The following RANBP17 variants were observed in gnomAD, a reference collection of about 807,000 sequenced individuals.
The protein encoded by RANBP17 is ran-binding protein 17.
RANBP17 carries 158 observed loss-of-function variants against 141.2 expected under a neutral mutation model. That is an observed-to-expected ratio of 1.12 (90% CI 0.98 to 1.28). The LOEUF is 1.28. RANBP17 is among the 50% of genes most tolerant of loss of function. The probability of loss-of-function intolerance (pLI) is 0.00; values close to 1 mark genes in which losing one functional copy is unlikely to be tolerated. For missense variants in RANBP17, 1,438 were observed against 1,290.7 expected (o/e 1.11, Z -1.75); for synonymous variants, 430 against 450.0 (o/e 0.96, Z 0.56).
chr5:170,899,098 A>C (rs1770395089), intron 5 of RANBP17, among the ~76,000 whole-genome samples: 1 of 152,200 alleles, frequency 6.6e-6, no homozygotes, highest in South Asian at 2.1e-4. Flanking sequence ...TGAATCTATA[A>C]ATTACTTTGG....
intron 12 of RANBP17, among the ~76,000 whole-genome samples, chr5:170,938,346 A>G (rs921071594): frequency 1.3e-5 from 2 of 152,254 alleles, no homozygotes; most frequent in African/African-American, 4.8e-5. Context: ...AGGATCAACC[A>G]TAATTTAGGG....
intron 12 of RANBP17, among the ~76,000 whole-genome samples, chr5:170,943,661 C>G (rs971050248): frequency 1.3e-5 from 2 of 151,890 alleles, no homozygotes; most frequent in Non-Finnish European, 2.9e-5. Flanking sequence ...AGATATGAAA[C>G]TTATGTAGCA....
rs116019501 is a variant in RANBP17 at position 171,260,721 on chromosome 5, A to G, written c.2777-4960A>G. Among the ~76,000 whole-genome samples, 851 of 152,306 alleles carry G rather than the reference A, an allele frequency of 5.6e-3. 8 individuals are homozygous for G. The highest frequency in any genetic ancestry group is 0.018 in the African/African-American group (769 of 41,570). On this transcript the variant is annotated intron_variant, in intron 24 of 27. Coordinates refer to ENST00000523189, the MANE Select transcript of RANBP17 (RefSeq NM_022897.5). The stretch of plus-strand genomic sequence containing the variant: ...CTTCACATGTACACTATAAATTTGT[A>G]CAAATTTAAAAAACAAAGTGGGGTG...
intron 18 of RANBP17, among the ~76,000 whole-genome samples, chr5:171,195,173 T>C (rs1034715143): frequency 1.3e-5 from 2 of 152,210 alleles, no homozygotes; most frequent in African/African-American, 4.8e-5. Context: ...TCAAATCATA[T>C]TGGTTTCTGT....
intron 25 of RANBP17, among the ~76,000 whole-genome samples, chr5:171,283,977 C>G (rs967224900): frequency 7.2e-5 from 11 of 152,192 alleles, no homozygotes; most frequent in African/African-American, 2.7e-4. Flanking sequence ...GAGACGCCCT[C>G]GTGCCATTAT....
chr5:171,225,869 A>G (rs1164106089), intron 22 of RANBP17, among the ~76,000 whole-genome samples: 2 of 152,272 alleles, frequency 1.3e-5, no homozygotes, highest in East Asian at 1.9e-4. Flanking sequence ...GTCATGATAT[A>G]CTTTGATGTA....
chr5:171,063,737 TTTTG>T, intron 14 of RANBP17, among the ~76,000 whole-genome samples: 1 of 152,292 alleles, frequency 6.6e-6, no homozygotes, highest in African/African-American at 2.4e-5. Context: ...ACTGCTGTCT[TTTTG>T]TTTGTCTGTG....
intron 20 of RANBP17, chr5:171,207,218 G>A (rs1184328222): frequency 6.5e-6 from 1 of 153,364 alleles, no homozygotes; most frequent in African/African-American, 2.4e-5. Context: ...AGTCTACTTT[G>A]GGCACTGTAA....
intron 8 of RANBP17, among the ~76,000 whole-genome samples, chr5:170,916,228 T>C (rs1321791761): frequency 2.1e-4 from 5 of 23,946 alleles, no homozygotes; most frequent in Admixed American, 5.2e-4. Context: ...TATTCTATAT[T>C]GCATTATAAT....
chr5:171,221,501 ATAT>A (rs777834781), intron 21 of RANBP17, among the ~76,000 whole-genome samples: 8 of 152,176 alleles, frequency 5.3e-5, no homozygotes, highest in Non-Finnish European at 1.0e-4. Flanking sequence ...GAATGTCAGG[ATAT>A]TGTTTTGACA....
intron 18 of RANBP17, among the ~76,000 whole-genome samples, chr5:171,184,068 G>A (rs1185652545): frequency 2.0e-5 from 3 of 152,162 alleles, no homozygotes; most frequent in Admixed American, 6.5e-5. Context: ...TAACAGTGTA[G>A]AGGATCCTCA....
chr5:170,973,760 A>G (rs1777158472), intron 14 of RANBP17, among the ~76,000 whole-genome samples: 1 of 152,208 alleles, frequency 6.6e-6, no homozygotes, highest in Non-Finnish European at 1.5e-5. Context: ...TGAGAAGTTC[A>G]AGATCAAGGC....
At chr5:171,062,054 T>C in intron 14 of RANBP17, among the ~76,000 whole-genome samples, 1 of 151,788 alleles carries the variant, frequency 6.6e-6, no homozygotes, top group Admixed American at 6.6e-5. Context: ...TATGTGTGTC[T>C]CTGCATGTGA....
At chr5:171,283,462 G>A (rs76573089) in intron 25 of RANBP17, among the ~76,000 whole-genome samples, 1,613 of 152,288 alleles carry the variant, frequency 0.011, 28 homozygotes, top group African/African-American at 0.037. Context: ...TCTCAGTAGC[G>A]TCTTTGAATC....
At chr5:171,182,513 T>G (rs1356326164) in intron 16 of RANBP17, among the ~76,000 whole-genome samples, 1 of 152,218 alleles carries the variant, frequency 6.6e-6, no homozygotes, top group Non-Finnish European at 1.5e-5. Flanking sequence ...GGCAAGCAAC[T>G]TAATTTCTCT....
At chr5:171,260,385 T>C (rs987654645) in intron 24 of RANBP17, among the ~76,000 whole-genome samples, 4 of 149,596 alleles carry the variant, frequency 2.7e-5, no homozygotes, top group African/African-American at 9.9e-5. Context: ...TAAGAATAGC[T>C]TGAACCCAGG....
chr5:171,165,808 G>A (rs1053305147), intron 14 of RANBP17, among the ~76,000 whole-genome samples: 1 of 152,126 alleles, frequency 6.6e-6, no homozygotes, highest in African/African-American at 2.4e-5. Context: ...GGCTGGCAAG[G>A]TTTCAAATTA....
chr5:170,982,749 A>G (rs1010140125), intron 14 of RANBP17, among the ~76,000 whole-genome samples: 2 of 152,202 alleles, frequency 1.3e-5, no homozygotes, highest in African/African-American at 4.8e-5. Context: ...AGTTCCAGCA[A>G]AGTGAGTGAA....
At chr5:171,193,184 A>C (rs116305691) in intron 18 of RANBP17, among the ~76,000 whole-genome samples, 1 of 152,076 alleles carries the variant, frequency 6.6e-6, no homozygotes, top group Non-Finnish European at 1.5e-5. Context: ...CATTACACCT[A>C]CTTTCTTGCA....
Sources: gnomAD v4.1 joint callset for allele counts (sites outside exome capture counted in the v4.1 genomes callset) on GRCh38, gnomAD v4.1.1 for gene constraint, MANE v1.5 for transcripts, NCBI Gene and HGNC (gene_info 2026-07-23, HGNC 2026-07-21) for gene names.